Variants in NTRK3 observed in about 807,000 individuals in gnomAD.
NTRK3 encodes the protein neurotrophic receptor tyrosine kinase 3, also known as NT-3 growth factor receptor.
Under a neutral mutation model 91.7 loss-of-function variants are expected in NTRK3, and 24 were observed. The ratio of observed to expected loss-of-function variants is 0.26; its 90% CI spans 0.19 to 0.37. The LOEUF is 0.37. Ranked by LOEUF, NTRK3 falls within the 10% of genes least tolerant of loss-of-function variation. The pLI, the probability that NTRK3 is intolerant of heterozygous loss-of-function variation, is 1.00. For synonymous variants in NTRK3, 483 were observed against 404.0 expected, an observed-to-expected ratio of 1.20 and a Z score of -2.34; for missense variants, 880 against 1,068.9, an observed-to-expected ratio of 0.82 and a Z score of 2.46.
At chr15:88,128,727 C>T (rs772059358) in exon 11 of NTRK3, 12 of 1,613,908 alleles carry the variant, frequency 7.4e-6, no homozygotes, top group Admixed American at 1.7e-5. Flanking sequence ...TAAAGTTATC[C>T]GTGCTCTCTG....
chr15:87,918,499 C>A (rs1049642186), intron 17 of NTRK3, among the ~76,000 whole-genome samples: 13 of 152,358 alleles, frequency 8.5e-5, no homozygotes, highest in African/African-American at 2.9e-4. Flanking sequence ...CTCATGCTAA[C>A]CTCTCTGATG....
intron 14 of NTRK3, among the ~76,000 whole-genome samples, chr15:87,944,295 A>G (rs2070201036): frequency 6.6e-6 from 1 of 152,198 alleles, no homozygotes; most frequent in South Asian, 2.1e-4. Context: ...AACCCCATGC[A>G]TCAACAAGAC....
At chr15:88,026,577 G>C (rs1399516683) in intron 14 of NTRK3, among the ~76,000 whole-genome samples, 2 of 152,156 alleles carry the variant, frequency 1.3e-5, no homozygotes, top group African/African-American at 4.8e-5. Context: ...CTATGCTTTT[G>C]TCAAAACCCA....
chr15:87,928,261 G>T (rs760313660), intron 17 of NTRK3: 2 of 152,174 alleles, frequency 1.3e-5, no homozygotes, highest in South Asian at 2.1e-4. Context: ...TTACAGGCAT[G>T]AGCCACCACT....
exon 19 of NTRK3, chr15:87,876,003 T>C (rs1468857249): frequency 4.3e-6 from 1 of 232,422 alleles, no homozygotes; most frequent in Non-Finnish European, 8.5e-6. Context: ...GGCCTGAAAG[T>C]GGGAGGTGAG....
intron 14 of NTRK3, among the ~76,000 whole-genome samples, chr15:88,002,970 G>A (rs964082218): frequency 3.3e-5 from 5 of 152,098 alleles, no homozygotes; most frequent in Non-Finnish European, 1.5e-5. Context: ...TCAAAAATCC[G>A]CCAAGATCAG....
intron 14 of NTRK3, among the ~76,000 whole-genome samples, chr15:88,025,326 C>T (rs895518953): frequency 3.3e-5 from 5 of 152,210 alleles, no homozygotes; most frequent in African/African-American, 1.2e-4. Context: ...AATGTTTATG[C>T]AGCTTTATTT....
chr15:87,888,643 G>A (rs968062216), intron 17 of NTRK3, among the ~76,000 whole-genome samples: 2 of 152,124 alleles, frequency 1.3e-5, no homozygotes, highest in African/African-American at 2.4e-5. Flanking sequence ...TGCTTCACAC[G>A]TTAGCAGGGC....
At chr15:87,979,329 G>A (rs1210983224) in intron 14 of NTRK3, 1 of 1,553,716 alleles carries the variant, frequency 6.4e-7, no homozygotes, top group East Asian at 2.2e-5. Context: ...AAAACAAGGA[G>A]GCTTAAAAGG....
intron 13 of NTRK3, among the ~76,000 whole-genome samples, chr15:88,035,809 G>C (rs944816764): frequency 5.9e-5 from 9 of 152,146 alleles, no homozygotes; most frequent in Admixed American, 5.9e-4. Flanking sequence ...AGAGATGTCA[G>C]TGAAAACACT....
At chr15:88,142,257 C>T (rs2042455953) in intron 6 of NTRK3, among the ~76,000 whole-genome samples, 1 of 152,228 alleles carries the variant, frequency 6.6e-6, no homozygotes, top group African/African-American at 2.4e-5. Flanking sequence ...CCTGCGGAAC[C>T]TAAAGCATGG....
chr15:87,910,186 G>A (rs150405542), intron 17 of NTRK3, among the ~76,000 whole-genome samples: 1 of 152,266 alleles, frequency 6.6e-6, no homozygotes, highest in East Asian at 1.9e-4. Flanking sequence ...CTCACACAAG[G>A]CTCCAAAAAC....
At chr15:88,036,201 C>G (rs915917477) in intron 13 of NTRK3, among the ~76,000 whole-genome samples, 2 of 151,830 alleles carry the variant, frequency 1.3e-5, no homozygotes, top group Admixed American at 1.3e-4. Flanking sequence ...CACGCACATA[C>G]ACACACACAC....
intron 5 of NTRK3, among the ~76,000 whole-genome samples, chr15:88,171,772 C>T (rs1016832368): frequency 6.6e-6 from 1 of 152,226 alleles, no homozygotes; most frequent in African/African-American, 2.4e-5. Flanking sequence ...AGTCTGCCCA[C>T]CTTCAAAGTG....
chr15:87,943,117 A>G (rs1475420150), intron 14 of NTRK3, among the ~76,000 whole-genome samples: 2 of 152,080 alleles, frequency 1.3e-5, no homozygotes, highest in African/African-American at 4.8e-5. Flanking sequence ...AGGGATTCCA[A>G]TCTAGTAGGT....
At chr15:88,112,128 G>A (rs576526243) in intron 13 of NTRK3, among the ~76,000 whole-genome samples, 17 of 152,066 alleles carry the variant, frequency 1.1e-4, no homozygotes, top group Non-Finnish European at 1.9e-4. Context: ...GGATGGTCTT[G>A]ATCTCCTGAC....
intron 13 of NTRK3, among the ~76,000 whole-genome samples, chr15:88,115,382 C>G (rs1006325081): frequency 1.3e-5 from 2 of 152,238 alleles, no homozygotes; most frequent in African/African-American, 4.8e-5. Flanking sequence ...CCCAGGCCAA[C>G]AACAGGGTGC....
rs182714714 is a variant in NTRK3, at chr15:88,204,336, A to T, written c.249-20037T>A. On this transcript the variant is annotated intron_variant, in intron 3 of 18. Transcript: ENST00000394480. ...CTATTACCTTCTAACTTGAAAAATT[A>T]AAAAAAAGTCTTGCCTATTTCACAG... is the stretch of plus-strand genomic sequence containing the variant. Among the ~76,000 whole-genome samples, 101 of 151,434 alleles carry T rather than the reference A, an allele frequency of 6.7e-4. 1 individual carries two copies. Among genetic ancestry groups the T allele is most frequent in the African/African-American group, 2.3e-3 (96 of 41,482 alleles).
chr15:88,177,125 A>C lies in NTRK3; in HGVS notation c.395+6293T>G, dbSNP rs148327178. On this transcript the variant is annotated intron_variant, in intron 5 of 18. Coordinates refer to ENST00000394480, the Ensembl canonical transcript of NTRK3. ...AAAGGCTTGTAAGGCTGCGGCAGAG[A>C]GAACAAGGGGAAAAGTACAAGACAA... Among the ~76,000 whole-genome samples the C allele has an allele frequency of 1.3e-4, 20 of 152,328 alleles. 1 individual carries two copies. The East Asian group carries it at 2.9e-3, about 22-fold the overall frequency.
Sources: gnomAD v4.1 joint callset for allele counts (sites outside exome capture counted in the v4.1 genomes callset) on GRCh38, gnomAD v4.1.1 for gene constraint, MANE v1.5 for transcripts, NCBI Gene and HGNC (gene_info 2026-07-23, HGNC 2026-07-21) for gene names.